Variants in MRPL1 observed in about 807,000 individuals in gnomAD.
MRPL1 encodes the protein mitochondrial ribosomal protein L1.
MRPL1 carries 28 observed loss-of-function variants against 38.0 expected under a neutral mutation model. The ratio of observed to expected loss-of-function variants is 0.74; its 90% CI spans 0.55 to 1.01. The LOEUF (loss-of-function observed/expected upper bound fraction) is 1.01, where lower values mean the gene tolerates loss of function less well. Among genes scored for constraint, MRPL1 ranks in the 50% least tolerant of loss-of-function variants. MRPL1 has a pLI of 0.00. For missense variants in MRPL1, 358 were observed against 389.8 expected (o/e 0.92, Z 0.69); for synonymous variants, 123 against 126.7 (o/e 0.97, Z 0.20).
intron 7 of MRPL1, among the ~76,000 whole-genome samples, chr4:77,921,873 G>A (rs1386217879): frequency 6.6e-6 from 1 of 151,506 alleles, no homozygotes; most frequent in Admixed American, 6.6e-5. Context: ...CTGTGTGTAC[G>A]TGCATGTGTA....
At chr4:77,950,441 T>C (rs1249602284) in intron 8 of MRPL1, among the ~76,000 whole-genome samples, 1 of 152,220 alleles carries the variant, frequency 6.6e-6, no homozygotes, top group Non-Finnish European at 1.5e-5. Context: ...CGTTGTGTGC[T>C]GTTCAAATTC....
chr4:77,931,015 G>A (rs1490069131), intron 7 of MRPL1, among the ~76,000 whole-genome samples: 1 of 152,190 alleles, frequency 6.6e-6, no homozygotes, highest in Non-Finnish European at 1.5e-5. Flanking sequence ...AATACCAAGA[G>A]CAAGATTCCT....
At chr4:77,915,936 G>A (rs975824709) in intron 7 of MRPL1, among the ~76,000 whole-genome samples, 9 of 152,246 alleles carry the variant, frequency 5.9e-5, no homozygotes, top group African/African-American at 2.2e-4. Flanking sequence ...ATAGCATGAA[G>A]CATAATTGGT....
chr4:77,934,404 T>C (rs1361231090), intron 7 of MRPL1, among the ~76,000 whole-genome samples: 1 of 152,076 alleles, frequency 6.6e-6, no homozygotes, highest in Non-Finnish European at 1.5e-5. Context: ...TAAATACATA[T>C]CTCTCCAAAG....
intron 7 of MRPL1, among the ~76,000 whole-genome samples, chr4:77,949,538 C>G (rs1348825775): frequency 6.6e-6 from 1 of 151,936 alleles, no homozygotes; most frequent in African/African-American, 2.4e-5. Flanking sequence ...AGGGAAATTA[C>G]TTGGAAGTCA....
At chr4:77,872,279 TTTTAA>T (rs1409148794) in intron 2 of MRPL1, among the ~76,000 whole-genome samples, 1 of 148,752 alleles carries the variant, frequency 6.7e-6, no homozygotes, top group Non-Finnish European at 1.5e-5. Flanking sequence ...AATTAATGAA[TTTTAA>T]TTTAATTAAG....
intron 7 of MRPL1, among the ~76,000 whole-genome samples, chr4:77,929,623 T>C (rs1202190393): frequency 1.3e-5 from 2 of 152,204 alleles, no homozygotes; most frequent in Non-Finnish European, 2.9e-5. Context: ...ATGTAAAGCA[T>C]AGCTTATACC....
intron 6 of MRPL1, among the ~76,000 whole-genome samples, chr4:77,904,444 C>T (rs1736108673): frequency 6.6e-6 from 1 of 151,900 alleles, no homozygotes; most frequent in Non-Finnish European, 1.5e-5. Flanking sequence ...ATCCCAGCTA[C>T]TTGGGAGGCT....
intron 1 of MRPL1, among the ~76,000 whole-genome samples, chr4:77,868,392 A>G (rs1435621484): frequency 6.6e-6 from 1 of 151,870 alleles, no homozygotes; most frequent in East Asian, 1.9e-4. Flanking sequence ...GGAGCATGCC[A>G]CCACACCCGG....
At chr4:77,886,475 C>T (rs1735678666) in intron 4 of MRPL1, among the ~76,000 whole-genome samples, 1 of 151,934 alleles carries the variant, frequency 6.6e-6, no homozygotes. Context: ...GCTGCGATTA[C>T]AGGCATGCAC....
intron 5 of MRPL1, among the ~76,000 whole-genome samples, chr4:77,888,149 T>A (rs559691081): frequency 5.3e-5 from 8 of 152,328 alleles, no homozygotes; most frequent in Middle Eastern, 3.4e-3. Context: ...CTTCTAATCC[T>A]TTCAGAATGG....
intron 7 of MRPL1, among the ~76,000 whole-genome samples, chr4:77,942,305 T>C (rs1737155239): frequency 6.6e-6 from 1 of 152,210 alleles, no homozygotes; most frequent in African/African-American, 2.4e-5. Flanking sequence ...TTGGAGACTG[T>C]TCCATGTGCT....
chr4:77,931,870 T>G (rs937971235), intron 7 of MRPL1, among the ~76,000 whole-genome samples: 5 of 152,180 alleles, frequency 3.3e-5, no homozygotes, highest in African/African-American at 1.2e-4. Flanking sequence ...TCATTAAAAT[T>G]ATCAGTTATG....
intron 6 of MRPL1, among the ~76,000 whole-genome samples, chr4:77,896,412 A>G (rs1167098218): frequency 6.6e-6 from 1 of 152,040 alleles, no homozygotes; most frequent in African/African-American, 2.4e-5. Context: ...CCCTTCTCTG[A>G]CACCTTCTTT....
intron 7 of MRPL1, among the ~76,000 whole-genome samples, chr4:77,944,567 C>T (rs907014212): frequency 5.3e-5 from 8 of 152,064 alleles, no homozygotes; most frequent in African/African-American, 7.2e-5. Flanking sequence ...ATCTCAAGGG[C>T]GAGGTTTGTA....
At chr4:77,880,107 A>G (rs1735502471) in intron 2 of MRPL1, among the ~76,000 whole-genome samples, 1 of 152,222 alleles carries the variant, frequency 6.6e-6, no homozygotes, top group Non-Finnish European at 1.5e-5. Flanking sequence ...GCCATAACAA[A>G]TTACCACAAA....
chr4:77,941,225 A>G (rs1393007106), intron 7 of MRPL1, among the ~76,000 whole-genome samples: 4 of 152,028 alleles, frequency 2.6e-5, no homozygotes, highest in East Asian at 1.9e-4. Flanking sequence ...GGATCACGCA[A>G]TTGCACTCCA....
chr4:77,949,539 T>C (rs1015513571), intron 7 of MRPL1, among the ~76,000 whole-genome samples: 3 of 152,184 alleles, frequency 2.0e-5, no homozygotes, highest in South Asian at 2.1e-4. Context: ...GGGAAATTAC[T>C]TGGAAGTCAA....
chr4:77,871,862 A>G lies in MRPL1; in HGVS notation c.143+7A>G, dbSNP rs745321343. On this transcript the variant is annotated splice_region_variant and intron_variant, in intron 2 of 8. Transcript: ENST00000315567. ...ATTTTGCTGCTGCTACAAAGTAAGT[A>G]TTTTTTTTTAGTTATTATTTCATTT... 3 of 1,518,028 alleles carry G rather than the reference A, an allele frequency of 2.0e-6. No individual in the cohort carries two copies. Among genetic ancestry groups the G allele is most frequent in the East Asian group, 2.3e-5 (1 of 43,306 alleles). 94.0% of individuals were successfully genotyped at this position (1,518,028 alleles called of 1,614,324 possible).
Sources: allele counts gnomAD v4.1 joint callset (sites outside exome capture counted in the v4.1 genomes callset), GRCh38; gene constraint gnomAD v4.1.1; transcripts MANE v1.5; gene names NCBI Gene and HGNC (gene_info 2026-07-23, HGNC 2026-07-21).